APOL3: variants seen among roughly 807,000 people sequenced by gnomAD.
APOL3 encodes apolipoprotein L3.
A neutral mutation model predicts 11.6 loss-of-function variants in APOL3; 14 were observed. The ratio of observed to expected loss-of-function variants is 1.21; its 90% CI spans 0.80 to 1.89. APOL3 has a LOEUF of 1.89. Ranked by LOEUF, APOL3 falls within the 40% of genes most tolerant of loss-of-function variation. The probability of loss-of-function intolerance (pLI) is 0.00; values close to 1 mark genes in which losing one functional copy is unlikely to be tolerated. For synonymous variants in APOL3, 192 were observed against 190.6 expected (o/e 1.01, Z -0.06); for missense variants, 483 against 492.1 (o/e 0.98, Z 0.17).
At chr22:36,151,557 T>C (rs1468599300) in intron 1 of APOL3, among the ~76,000 whole-genome samples, 2 of 152,018 alleles carry the variant, frequency 1.3e-5, no homozygotes, top group Non-Finnish European at 2.9e-5. Context: ...GCAAGGAAGC[T>C]TTCCAGAAAA....
At chr22:36,142,329 A>G (rs12158582) in intron 2 of APOL3, among the ~76,000 whole-genome samples, 3,334 of 152,284 alleles carry the variant, frequency 0.022, 113 homozygotes, top group African/African-American at 0.073. Flanking sequence ...TTCGATAAAG[A>G]TGGCTCCTCA....
chr22:36,141,270 T>C, exon 3 of APOL3: 1 of 1,614,160 alleles, frequency 6.2e-7, no homozygotes, highest in South Asian at 1.1e-5. Flanking sequence ...CTCCAGCTCC[T>C]GAGCCTGCCG....
chr22:36,141,152 G>A (rs200374951), exon 3 of APOL3: 48 of 1,566,544 alleles, frequency 3.1e-5, no homozygotes, highest in East Asian at 1.1e-4. Context: ...GCATTTTGTC[G>A]TGGCCTGTGT....
chr22:36,159,526 C>T (rs550949898), intron 1 of APOL3: 1 of 152,342 alleles, frequency 6.6e-6, no homozygotes, highest in South Asian at 2.1e-4. Flanking sequence ...CAGTTATGCT[C>T]ACGCTTCCAC....
chr22:36,141,355 C>G (rs1453265233), exon 3 of APOL3: 2 of 1,614,082 alleles, frequency 1.2e-6, no homozygotes, highest in Non-Finnish European at 8.5e-7. Context: ...TTGACCACAT[C>G]CAGTGCAAGG....
upstream of APOL3, among the ~76,000 whole-genome samples, chr22:36,162,414 T>C (rs2146913462): frequency 6.6e-6 from 1 of 152,340 alleles, no homozygotes; most frequent in Middle Eastern, 3.4e-3. Context: ...AATGTGGTTT[T>C]ATTATACAAA....
At chr22:36,153,323 GT>G in intron 1 of APOL3, 1 of 452,066 alleles carries the variant, frequency 2.2e-6, no homozygotes, top group Middle Eastern at 3.3e-4. Context: ...CCACCTTAAA[GT>G]TGATGGAGAA....
chr22:36,165,941 C>T (rs528562771), exon 1 of APOL3: 1 of 152,242 alleles, frequency 6.6e-6, no homozygotes, highest in Non-Finnish European at 1.5e-5. Flanking sequence ...GTGAAACAGC[C>T]CCTGGCCCAC....
chr22:36,144,489 C>A (rs934969056), intron 2 of APOL3, among the ~76,000 whole-genome samples: 2 of 152,284 alleles, frequency 1.3e-5, no homozygotes, highest in Admixed American at 6.5e-5. Context: ...CATAAAACAA[C>A]AGCCCCAGAG....
At chr22:36,142,191 A>T in intron 2 of APOL3, 133 bp from the exon 4 acceptor site, 1 of 1,071,526 alleles carries the variant, frequency 9.3e-7, no homozygotes, top group Middle Eastern at 3.1e-4. Context: ...TAAATTTTAA[A>T]TGGAAAAATT....
exon 1 of APOL3, chr22:36,160,886 T>C: frequency 6.2e-7 from 1 of 1,613,346 alleles, no homozygotes; most frequent in African/African-American, 1.3e-5. Flanking sequence ...CTTGGCCCAG[T>C]CCCATCCTTG....
At chr22:36,154,845 C>T (rs944506178) in intron 1 of APOL3, among the ~76,000 whole-genome samples, 2 of 152,202 alleles carry the variant, frequency 1.3e-5, no homozygotes, top group Admixed American at 6.5e-5. Flanking sequence ...TCTTCCTGGT[C>T]TCCCTCTCTC....
At chr22:36,149,053 C>A in intron 1 of APOL3, 2 of 1,368,476 alleles carry the variant, frequency 1.5e-6, no homozygotes, top group South Asian at 2.3e-5. Context: ...TACCTGAGTC[C>A]ATGGTGCCAG....
At chr22:36,161,077 CA>C, upstream of APOL3, 1 of 613,928 alleles carries the variant, frequency 1.6e-6, no homozygotes, top group Non-Finnish European at 2.9e-6. Context: ...CCAATAACAC[CA>C]CACTCCCCAG....
At chr22:36,151,722 G>A (rs2011714217) in intron 1 of APOL3, among the ~76,000 whole-genome samples, 1 of 152,222 alleles carries the variant, frequency 6.6e-6, no homozygotes, top group South Asian at 2.1e-4. Context: ...GGGAGGGTAA[G>A]CAGGAGAATT....
intron 1 of APOL3, among the ~76,000 whole-genome samples, chr22:36,158,647 G>A (rs1398917450): frequency 3.9e-5 from 6 of 152,168 alleles, no homozygotes; most frequent in African/African-American, 4.8e-5. Flanking sequence ...GTGAAACCCC[G>A]TCTCTACTAA....
At chr22:36,141,867 T>C (rs918234928) in exon 3 of APOL3, 1 of 1,614,230 alleles carries the variant, frequency 6.2e-7, no homozygotes, top group Non-Finnish European at 8.5e-7. Context: ...GCAGCCTCTG[T>C]GGACCTCTTC....
intron 1 of APOL3, chr22:36,154,772 CAA>C: frequency 2.9e-6 from 1 of 346,636 alleles, no homozygotes; most frequent in Admixed American, 3.8e-5. Context: ...CACAAAATAC[CAA>C]ACACTCCCTC....
At chr22:36,141,740 C>T (rs1455906869) in exon 3 of APOL3, 2 of 1,614,086 alleles carry the variant, frequency 1.2e-6, no homozygotes, top group South Asian at 1.1e-5. Flanking sequence ...CCAGCCCTAC[C>T]CCAGCTGCAG....
Sources: allele counts gnomAD v4.1 joint callset (sites outside exome capture counted in the v4.1 genomes callset), GRCh38; gene constraint gnomAD v4.1.1; transcripts MANE v1.5; gene names NCBI Gene and HGNC (gene_info 2026-07-23, HGNC 2026-07-21).